Variants in PTPRM observed in about 807,000 individuals in gnomAD.
PTPRM encodes receptor-type tyrosine-protein phosphatase mu.
PTPRM carries 47 observed loss-of-function variants against 186.7 expected under a neutral mutation model. That is an observed-to-expected ratio of 0.25 (90% CI 0.20 to 0.32). PTPRM has a LOEUF of 0.32. PTPRM is among the 10% of genes least tolerant of loss of function. The probability of loss-of-function intolerance (pLI) is 1.00; values close to 1 mark genes in which losing one functional copy is unlikely to be tolerated. For synonymous variants in PTPRM, 668 were observed against 674.9 expected, an observed-to-expected ratio of 0.99 and a Z score of 0.16; for missense variants, 1,494 against 1,865.0, an observed-to-expected ratio of 0.80 and a Z score of 3.66.
chr18:8,025,752 C>T (rs1327730068), intron 7 of PTPRM, among the ~76,000 whole-genome samples: 1 of 152,108 alleles, frequency 6.6e-6, no homozygotes, highest in African/African-American at 2.4e-5. Flanking sequence ...TTAAACCATT[C>T]CGGATAAAAA....
intron 3 of PTPRM, among the ~76,000 whole-genome samples, chr18:7,895,408 AG>A (rs1161510882): frequency 6.6e-6 from 1 of 152,232 alleles, no homozygotes; most frequent in African/African-American, 2.4e-5. Flanking sequence ...TAAATGAAAA[AG>A]GGTTCCAGGA....
At chr18:8,211,373 T>C (rs2094001663) in intron 14 of PTPRM, among the ~76,000 whole-genome samples, 1 of 136,138 alleles carries the variant, frequency 7.3e-6, no homozygotes, top group Non-Finnish European at 1.6e-5. Context: ...GTAGGTCTCT[T>C]CTTCTTTTTT....
chr18:8,133,107 T>C (rs903003659), intron 13 of PTPRM, among the ~76,000 whole-genome samples: 1 of 152,120 alleles, frequency 6.6e-6, no homozygotes, highest in African/African-American at 2.4e-5. Context: ...CATCCTTTTA[T>C]CAGAAACCCA....
At chr18:7,865,332 T>C (rs2047626088) in intron 2 of PTPRM, among the ~76,000 whole-genome samples, 1 of 151,956 alleles carries the variant, frequency 6.6e-6, no homozygotes, top group South Asian at 2.1e-4. Context: ...TTGTCATAAA[T>C]AGCTCTTAGT....
intron 13 of PTPRM, among the ~76,000 whole-genome samples, chr18:8,127,645 T>C (rs2092404587): frequency 6.6e-6 from 1 of 152,136 alleles, no homozygotes; most frequent in East Asian, 1.9e-4. Flanking sequence ...GCATACAGTT[T>C]AGCTCTGACA....
chr18:8,266,494 A>G (rs1424944372), intron 19 of PTPRM, among the ~76,000 whole-genome samples: 1 of 152,180 alleles, frequency 6.6e-6, no homozygotes, highest in East Asian at 1.9e-4. Flanking sequence ...AGAACACAGT[A>G]ATATTGAATT....
At chr18:8,129,007 T>A (rs997623287) in intron 13 of PTPRM, among the ~76,000 whole-genome samples, 1 of 152,168 alleles carries the variant, frequency 6.6e-6, no homozygotes, top group African/African-American at 2.4e-5. Flanking sequence ...TTAGGAAACC[T>A]AACTTTTAAT....
chr18:7,807,738 C>T (rs1394513063), intron 2 of PTPRM, among the ~76,000 whole-genome samples: 3 of 152,152 alleles, frequency 2.0e-5, no homozygotes, highest in Non-Finnish European at 4.4e-5. Flanking sequence ...AGGATCATGA[C>T]GTGATGTGTG....
intron 19 of PTPRM, among the ~76,000 whole-genome samples, chr18:8,268,752 G>A (rs1601563357): frequency 6.6e-6 from 1 of 151,918 alleles, no homozygotes; most frequent in Non-Finnish European, 1.5e-5. Flanking sequence ...TATCCCTGGG[G>A]TGCAAGGATG....
intron 4 of PTPRM, among the ~76,000 whole-genome samples, chr18:7,924,049 G>A (rs1156598403): frequency 1.3e-5 from 2 of 152,198 alleles, no homozygotes; most frequent in East Asian, 3.9e-4. Context: ...ATAATGGTTG[G>A]AGCAAACTAT....
chr18:8,387,459 G>A (rs1432817019), intron 31 of PTPRM, among the ~76,000 whole-genome samples: 1 of 150,496 alleles, frequency 6.6e-6, no homozygotes, highest in African/African-American at 2.5e-5. Context: ...AGCAAGCACT[G>A]ACCGTTTCAT....
intron 20 of PTPRM, among the ~76,000 whole-genome samples, chr18:8,312,956 T>G (rs1453504269): frequency 6.6e-6 from 1 of 152,228 alleles, no homozygotes. Context: ...TCCTTCTGCC[T>G]GTGCTGTTGA....
intron 13 of PTPRM, among the ~76,000 whole-genome samples, chr18:8,133,454 A>G (rs2092562790): frequency 6.6e-6 from 1 of 152,188 alleles, no homozygotes; most frequent in Non-Finnish European, 1.5e-5. Context: ...GATTTACCAA[A>G]ATAACTGAAC....
At chr18:8,093,843 T>C (rs2090881093) in intron 11 of PTPRM, among the ~76,000 whole-genome samples, 2 of 152,330 alleles carry the variant, frequency 1.3e-5, no homozygotes, top group Non-Finnish European at 2.9e-5. Flanking sequence ...CAATGTGCCA[T>C]GGGTATGAAG....
At chr18:8,299,951 GAT>G (rs573027187) in intron 20 of PTPRM, among the ~76,000 whole-genome samples, 148 of 152,266 alleles carry the variant, frequency 9.7e-4, no homozygotes, top group Non-Finnish European at 5.7e-4. Context: ...CTACCACCAG[GAT>G]AGTTTTCAAC....
intron 7 of PTPRM, among the ~76,000 whole-genome samples, chr18:8,048,448 A>G (rs543586572): frequency 6.6e-6 from 1 of 151,950 alleles, no homozygotes; most frequent in South Asian, 2.1e-4. Flanking sequence ...CTGAGAACAC[A>G]CTCTTCTATT....
At chr18:8,030,178 T>G (rs1325031016) in intron 7 of PTPRM, among the ~76,000 whole-genome samples, 1 of 152,232 alleles carries the variant, frequency 6.6e-6, no homozygotes, top group African/African-American at 2.4e-5. Context: ...TATGCCATCT[T>G]TATTCACATA....
chr18:8,226,396 C>T (rs2094214813), intron 14 of PTPRM, among the ~76,000 whole-genome samples: 1 of 151,984 alleles, frequency 6.6e-6, no homozygotes, highest in African/African-American at 2.4e-5. Context: ...TGCAATATAG[C>T]TAGTTCATCT....
At chr18:7,968,884 A>T (rs2054330235) in intron 7 of PTPRM, among the ~76,000 whole-genome samples, 1 of 17,814 alleles carries the variant, frequency 5.6e-5, no homozygotes, top group Non-Finnish European at 1.0e-4. Flanking sequence ...CACTGTCAAC[A>T]TTAGACAGAT....
Sources: allele counts gnomAD v4.1 joint callset (sites outside exome capture counted in the v4.1 genomes callset), GRCh38; gene constraint gnomAD v4.1.1; transcripts MANE v1.5; gene names NCBI Gene and HGNC (gene_info 2026-07-23, HGNC 2026-07-21).